The following ARID4B variants were observed in gnomAD, a reference collection of about 807,000 sequenced individuals.
The protein encoded by ARID4B is AT-rich interactive domain-containing protein 4B.
A neutral mutation model predicts 147.5 loss-of-function variants in ARID4B; 26 were observed. The ratio of observed to expected loss-of-function variants is 0.18; its 90% CI spans 0.13 to 0.24. The LOEUF (loss-of-function observed/expected upper bound fraction) is 0.24, where lower values mean the gene tolerates loss of function less well. Among genes scored for constraint, ARID4B ranks in the 10% least tolerant of loss-of-function variants. The probability of loss-of-function intolerance (pLI) is 1.00; values close to 1 mark genes in which losing one functional copy is unlikely to be tolerated. For missense variants in ARID4B, 1,179 were observed against 1,511.5 expected (o/e 0.78, Z 3.65); for synonymous variants, 512 against 507.9 (o/e 1.01, Z -0.11).
chr1:235,290,810 A>G (rs763866665), intron 2 of ARID4B, among the ~76,000 whole-genome samples: 5 of 152,250 alleles, frequency 3.3e-5, no homozygotes, highest in South Asian at 2.1e-4. Context: ...CAAAAATTCC[A>G]TAACAGCCAG....
chr1:235,278,397 A>G (rs546039241), intron 2 of ARID4B, among the ~76,000 whole-genome samples: 1 of 152,096 alleles, frequency 6.6e-6, no homozygotes, highest in Admixed American at 6.6e-5. Context: ...ATCATGAAAA[A>G]CATTTCATGG....
chr1:235,231,783 C>T (rs1437523250), intron 9 of ARID4B, among the ~76,000 whole-genome samples: 8 of 152,308 alleles, frequency 5.3e-5, no homozygotes, highest in African/African-American at 1.2e-4. Context: ...CCACCACACC[C>T]GGCCAAAAAC....
At chr1:235,221,322 T>C (rs1383726223) in intron 14 of ARID4B, among the ~76,000 whole-genome samples, 1 of 152,204 alleles carries the variant, frequency 6.6e-6, no homozygotes, top group Non-Finnish European at 1.5e-5. Flanking sequence ...CTTCAGAATA[T>C]TAGCTTTTTA....
chr1:235,239,616 G>C (rs1028459950), intron 8 of ARID4B, among the ~76,000 whole-genome samples: 1 of 152,116 alleles, frequency 6.6e-6, no homozygotes, highest in African/African-American at 2.4e-5. Context: ...AAAACAGAGA[G>C]ATAAAAAGCT....
In ARID4B at chr1:235,304,181, C is replaced by A. The variant is rs376006506; in HGVS notation, c.6+22733G>T. Among the ~76,000 whole-genome samples the A allele has an allele frequency of 4.8e-4, 73 of 152,062 alleles. 1 individual carries two copies. The South Asian group carries it at 0.015, about 32-fold the overall frequency. ...AGACCAGCGTGGCAACATGGTGAAACCCTGCCTCTACAAAAAACTTGCCAG... is the reference window on the plus strand; with the variant it reads ...AGACCAGCGTGGCAACATGGTGAAAACCTGCCTCTACAAAAAACTTGCCAG... On this transcript the variant is annotated intron_variant, in intron 2 of 23. Coordinates refer to ENST00000264183, the MANE Select transcript of ARID4B (RefSeq NM_016374.6).
intron 6 of ARID4B, among the ~76,000 whole-genome samples, chr1:235,251,988 G>C (rs576592300): frequency 7.1e-4 from 108 of 152,128 alleles, no homozygotes; most frequent in African/African-American, 2.3e-3. Flanking sequence ...CTGAAAGTTG[G>C]GGATAATAAT....
intron 16 of ARID4B, among the ~76,000 whole-genome samples, chr1:235,218,680 C>G (rs1021906627): frequency 7.2e-5 from 11 of 152,092 alleles, no homozygotes; most frequent in Non-Finnish European, 1.3e-4. Context: ...GAAATCTTTA[C>G]TGTTTCTTAA....
rs973771508 is a variant in ARID4B, at chr1:235,311,589, C to T, written c.6+15325G>A. Among the ~76,000 whole-genome samples, 90 of 151,794 alleles carry T rather than the reference C, an allele frequency of 5.9e-4. 2 individuals carry two copies. Among genetic ancestry groups the T allele is most frequent in the Admixed American group, 2.0e-4 (3 of 15,232 alleles). ...AGGAGTTTGAGACCAGCCTGGCCAA[C>T]GTGGCAAAACCCTGTCTCTAATAAA... On this transcript the variant is annotated intron_variant, in intron 2 of 23. Transcript: ENST00000264183.
chr1:235,245,556 G>A (rs1022428132), intron 7 of ARID4B, among the ~76,000 whole-genome samples: 1 of 151,224 alleles, frequency 6.6e-6, no homozygotes, highest in East Asian at 1.9e-4. Flanking sequence ...ATATAAAAAC[G>A]TAGAAATTTT....
intron 16 of ARID4B, among the ~76,000 whole-genome samples, chr1:235,217,133 T>C (rs2103016477): frequency 6.6e-6 from 1 of 152,072 alleles, no homozygotes; most frequent in Middle Eastern, 3.4e-3. Flanking sequence ...AATCAAGCAA[T>C]CAAAAATTAA....
At chr1:235,172,810 T>G in intron 22 of ARID4B, 46 bp from the exon 23 acceptor site, 1 of 1,423,058 alleles carries the variant, frequency 7.0e-7, no homozygotes, top group Non-Finnish European at 9.3e-7. Context: ...AAAGAAAATT[T>G]TAACATACAA....
Position 235,173,777 on chromosome 1 carries a change from T to A in ARID4B, c.3665-1013A>T, listed in dbSNP as rs1165207896. On this transcript the variant is annotated intron_variant, in intron 22 of 23. Transcript: ENST00000264183. The stretch of plus-strand genomic sequence containing the variant: ...AAAAAAAAAAAAAAAAAAAAATATA[T>A]ATATATATATATATATATATATATA... Among the ~76,000 whole-genome samples the A allele has an allele frequency of 9.8e-3, 286 of 29,274 alleles. 4 individuals carry two copies. The highest frequency in any genetic ancestry group is 0.035 in the East Asian group (29 of 818). 19.2% of individuals were successfully genotyped at this position (29,274 alleles called of 152,430 possible).
At chr1:235,224,835 A>T in intron 11 of ARID4B, 60 bp from the exon 12 acceptor site, 1 of 1,205,294 alleles carries the variant, frequency 8.3e-7, no homozygotes, top group South Asian at 1.3e-5. Flanking sequence ...TAAAACAAGC[A>T]GATTTCTTAC....
At chr1:235,265,563 G>A (rs564797964) in intron 2 of ARID4B, among the ~76,000 whole-genome samples, 61 of 151,964 alleles carry the variant, frequency 4.0e-4, no homozygotes, top group African/African-American at 1.4e-3. Flanking sequence ...GCCAAGCATG[G>A]TGGCACCTGC....
At position 235,254,063 on chromosome 1, in the gene ARID4B, A is replaced by G. The variant is rs576101685; in HGVS notation, c.275-1254T>C. ...AAATGATGTAACTAAAATATACAAC[A>G]TAAGTGTCACATTTAGTAGACTATT... On this transcript the variant is annotated intron_variant, in intron 5 of 23. Transcript: ENST00000264183. Among the ~76,000 whole-genome samples, 36 of 152,328 alleles carry G rather than the reference A, an allele frequency of 2.4e-4. No homozygotes were observed. In the East Asian group the frequency reaches 5.4e-3, roughly 23 times the overall value.
chr1:235,323,387 C>A (rs1288250309), intron 2 of ARID4B, among the ~76,000 whole-genome samples: 1 of 152,040 alleles, frequency 6.6e-6, no homozygotes, highest in Non-Finnish European at 1.5e-5. Context: ...TCTGGTATAT[C>A]CAGCCCAACC....
intron 19 of ARID4B, 147 bp from the exon 20 acceptor site, chr1:235,182,940 G>T: frequency 1.5e-6 from 1 of 647,776 alleles, no homozygotes; most frequent in Non-Finnish European, 2.4e-6. Context: ...CAAAGAAACT[G>T]GGTTTCAAAG....
intron 2 of ARID4B, among the ~76,000 whole-genome samples, chr1:235,321,298 A>G (rs913049894): frequency 6.6e-6 from 1 of 152,322 alleles, no homozygotes; most frequent in Non-Finnish European, 1.5e-5. Flanking sequence ...TTGCCATGTT[A>G]TGGATCTTAA....
intron 17 of ARID4B, among the ~76,000 whole-genome samples, chr1:235,204,937 T>C (rs563761726): frequency 7.6e-4 from 116 of 152,262 alleles, no homozygotes; most frequent in South Asian, 3.5e-3. Context: ...ATGAAGGAAA[T>C]GTTTATGTTC....
Sources: gnomAD v4.1 joint callset for allele counts (sites outside exome capture counted in the v4.1 genomes callset) on GRCh38, gnomAD v4.1.1 for gene constraint, MANE v1.5 for transcripts, NCBI Gene and HGNC (gene_info 2026-07-23, HGNC 2026-07-21) for gene names.